Variants in CDC42BPB observed in about 807,000 individuals in gnomAD.
CDC42BPB encodes serine/threonine-protein kinase MRCK beta.
CDC42BPB carries 37 observed loss-of-function variants against 214.9 expected under a neutral mutation model. The observed-to-expected ratio is 0.17, with a 90% CI of 0.13 to 0.23. CDC42BPB has a LOEUF of 0.23. Among genes scored for constraint, CDC42BPB ranks in the 10% least tolerant of loss-of-function variants. CDC42BPB has a pLI of 1.00. For synonymous variants in CDC42BPB, 931 were observed against 884.0 expected (o/e 1.05, Z -0.94); for missense variants, 1,694 against 2,227.0 (o/e 0.76, Z 4.82).
intron 1 of CDC42BPB, among the ~76,000 whole-genome samples, chr14:103,055,594 A>G: frequency 6.6e-6 from 1 of 152,258 alleles, no homozygotes; most frequent in East Asian, 1.9e-4. Flanking sequence ...GTAACCAAGA[A>G]TGGTGGTTCC....
At chr14:103,041,351 A>G in intron 1 of CDC42BPB, 1 of 487,482 alleles carries the variant, frequency 2.1e-6, no homozygotes, top group Non-Finnish European at 3.6e-6. Context: ...ATAAAAGAAA[A>G]CACAGGTATG....
Position 102,954,612 on chromosome 14 carries a change from T to C in CDC42BPB, c.2978A>G (p.Glu993Gly). The change falls in exon 22 of 37, where the codon GAG (glutamate) becomes GGG (glycine). Residue 993 changes from glutamate to glycine, a missense_variant. By Grantham distance (98) the Glu-to-Gly change is moderately conservative (BLOSUM62 -2). Transcript: ENST00000361246. The part of the protein sequence containing the change: ...ASPSMSVAAS[E>G]QQEDMARPPQ... ...GCAACGCTGTCTCACCTCCTGCTGC[T>C]CTGATGCAGCCACAGACATCGACGG... is the stretch of plus-strand genomic sequence containing the variant. 1 of 1,613,476 alleles carries C rather than the reference T, an allele frequency of 6.2e-7. No homozygotes were observed. The highest frequency in any genetic ancestry group is 8.5e-7 in the Non-Finnish European group (1 of 1,179,512).
At chr14:102,998,198 G>C (rs1052826765) in intron 5 of CDC42BPB, among the ~76,000 whole-genome samples, 2 of 152,198 alleles carry the variant, frequency 1.3e-5, no homozygotes, top group African/African-American at 4.8e-5. Flanking sequence ...GTATATGTGA[G>C]AGAGATGGGT....
chr14:102,958,303 C>T (rs1413061918), intron 21 of CDC42BPB, among the ~76,000 whole-genome samples: 3 of 152,170 alleles, frequency 2.0e-5, no homozygotes, highest in South Asian at 2.1e-4. Flanking sequence ...ACCTTCAAGT[C>T]GCTTTCAAAT....
intron 4 of CDC42BPB, among the ~76,000 whole-genome samples, chr14:103,000,805 G>C (rs1566893783): frequency 1.3e-5 from 2 of 152,178 alleles, no homozygotes; most frequent in Non-Finnish European, 2.9e-5. Flanking sequence ...GTGCTGTCCT[G>C]TTCACGCTCC....
intron 5 of CDC42BPB, among the ~76,000 whole-genome samples, chr14:102,995,382 C>T (rs1468025454): frequency 6.6e-6 from 1 of 152,194 alleles, no homozygotes; most frequent in Non-Finnish European, 1.5e-5. Context: ...ACCATGTTGG[C>T]CAGGCAGGTC....
intron 1 of CDC42BPB, among the ~76,000 whole-genome samples, chr14:103,022,226 T>C (rs1480622829): frequency 6.6e-6 from 1 of 152,156 alleles, no homozygotes; most frequent in Non-Finnish European, 1.5e-5. Flanking sequence ...AATTACCTAC[T>C]GGCTTTTGCC....
At chr14:103,056,912 G>T in intron 1 of CDC42BPB, 87 bp downstream of exon 1, 1 of 987,172 alleles carries the variant, frequency 1.0e-6, no homozygotes, top group Non-Finnish European at 1.4e-6. Flanking sequence ...GGGTCTGTCC[G>T]GGCGGGGATG....
intron 1 of CDC42BPB, among the ~76,000 whole-genome samples, chr14:103,031,736 G>A (rs1241157943): frequency 6.6e-6 from 1 of 152,176 alleles, no homozygotes; most frequent in Non-Finnish European, 1.5e-5. Flanking sequence ...GCAGCCTGAT[G>A]TGCAGGTAGA....
intron 4 of CDC42BPB, 66 bp downstream of exon 4, chr14:103,003,862 A>T: frequency 7.7e-7 from 1 of 1,292,758 alleles, no homozygotes; most frequent in Non-Finnish European, 1.1e-6. Flanking sequence ...CTGAATTTTT[A>T]GTGACAGCAT....
rs766429105 is a variant in CDC42BPB, at chr14:102,964,401, G to A, written c.2726+101C>T. 43 of 1,430,386 alleles carry A rather than the reference G, an allele frequency of 3.0e-5. No individual in the cohort carries two copies. In the African/African-American group the frequency reaches 3.0e-4, roughly 10 times the overall value. The allele number at this position is 1,430,386 out of a possible 1,614,324, so 88.6% of individuals were successfully genotyped here. A position where few individuals can be genotyped will look rare whatever the true frequency, so the allele number is the denominator to read the frequency against. ...AGGCTCCAGCAAACGCCGTGGCCCCGATTTTCCAGGCGAGGAGCATCGGAG... is the reference window on the plus strand; with the variant it reads ...AGGCTCCAGCAAACGCCGTGGCCCCAATTTTCCAGGCGAGGAGCATCGGAG... On this transcript the variant is annotated intron_variant, in intron 19 of 36. Coordinates refer to ENST00000361246, the MANE Select transcript of CDC42BPB (RefSeq NM_006035.4).
intron 26 of CDC42BPB, among the ~76,000 whole-genome samples, chr14:102,949,030 C>T (rs892637696): frequency 6.6e-5 from 10 of 152,200 alleles, no homozygotes; most frequent in Non-Finnish European, 7.3e-5. Flanking sequence ...TACCCAGCCC[C>T]GGCCTGAGCC....
chr14:102,958,340 T>C (rs969916274), intron 21 of CDC42BPB, among the ~76,000 whole-genome samples: 2 of 152,160 alleles, frequency 1.3e-5, no homozygotes, highest in Non-Finnish European at 2.9e-5. Context: ...GTCTCTTATG[T>C]TGAGAGAGAG....
At chr14:103,053,789 T>C (rs1672353033) in intron 1 of CDC42BPB, among the ~76,000 whole-genome samples, 1 of 150,464 alleles carries the variant, frequency 6.6e-6, no homozygotes, top group Non-Finnish European at 1.5e-5. Context: ...TTGAAATGAC[T>C]CTTGTCCCAT....
chr14:102,945,750 A>T, intron 28 of CDC42BPB, 26 bp from the exon 29 acceptor site: 1 of 1,609,106 alleles, frequency 6.2e-7, no homozygotes, highest in Non-Finnish European at 8.5e-7. Flanking sequence ...TAACATACAC[A>T]AAGTCAGTAC....
intron 1 of CDC42BPB, among the ~76,000 whole-genome samples, chr14:103,022,823 A>C (rs1310442475): frequency 6.6e-6 from 1 of 152,106 alleles, no homozygotes; most frequent in African/African-American, 2.4e-5. Context: ...CTTGAAACGA[A>C]CATTATTGGT....
intron 5 of CDC42BPB, among the ~76,000 whole-genome samples, chr14:102,989,164 C>T (rs899415783): frequency 1.6e-4 from 24 of 152,070 alleles, no homozygotes; most frequent in Admixed American, 1.6e-3. Context: ...ACATGATGGT[C>T]AACATCACGA....
intron 10 of CDC42BPB, 27 bp downstream of exon 10, chr14:102,975,856 T>C: frequency 6.2e-7 from 1 of 1,613,964 alleles, no homozygotes; most frequent in Non-Finnish European, 8.5e-7. Flanking sequence ...CGCCCCCGCC[T>C]GGCCCCGGAG....
rs201017984 is a variant in CDC42BPB at position 102,939,705 on chromosome 14, A to G, written c.4732T>C (p.Leu1578=). ...GGGTTGGATATCATTTTGGATCTCA[A>G]TTCTGGGTCTCTAAGCATCTCTCTG... ...QRREMLRDPE[L]RSKMISNPTN... is the part of the protein sequence containing the mutation. Residue 1578 remains leucine (L), a synonymous_variant, in exon 34 of 37, where the codon TTG becomes CTG. Transcript: ENST00000361246. 6.2e-7 allele frequency: 1 copy of G among 1,614,150 alleles called. No homozygotes were observed. The highest frequency in any genetic ancestry group is 2.2e-5 in the East Asian group (1 of 44,886).
Sources: allele counts gnomAD v4.1 joint callset (sites outside exome capture counted in the v4.1 genomes callset), GRCh38; gene constraint gnomAD v4.1.1; transcripts MANE v1.5; gene names NCBI Gene and HGNC (gene_info 2026-07-23, HGNC 2026-07-21).